Variants in IQCH observed in about 807,000 individuals in gnomAD.
The protein encoded by IQCH is IQ domain-containing protein H.
In IQCH, 98 loss-of-function variants were observed where a neutral mutation model predicts 117.0. That is an observed-to-expected ratio of 0.84 (90% confidence interval 0.71 to 0.99). IQCH has a LOEUF of 0.99. Among genes scored for constraint, IQCH ranks in the 50% least tolerant of loss-of-function variants. IQCH has a pLI of 0.00. For synonymous variants in IQCH, 412 were observed against 448.2 expected (o/e 0.92, Z 1.02); for missense variants, 1,102 against 1,243.8 (o/e 0.89, Z 1.72).
At chr15:67,272,535 A>G (rs372232206) in intron 3 of IQCH, among the ~76,000 whole-genome samples, 1 of 152,192 alleles carries the variant, frequency 6.6e-6, no homozygotes. Flanking sequence ...AAAGTCCCTT[A>G]CTATTATTGT....
chr15:67,465,127 G>T lies in IQCH; in HGVS notation c.2506G>T (p.Val836Leu). 2 of 1,613,862 alleles carry T rather than the reference G, an allele frequency of 1.2e-6. No homozygotes were observed. The highest frequency in any genetic ancestry group is 1.7e-6 in the Non-Finnish European group (2 of 1,179,878). ...FIDPSTLEQQ[V>L]WATGLNLAYS... Reference sequence around the variant, plus strand: ...CTTCTACGGCTCCTGTTTTAATCAGGTGTGGGCAACCGGCCTTAACCTCGC... The same window carrying T: ...CTTCTACGGCTCCTGTTTTAATCAGTTGTGGGCAACCGGCCTTAACCTCGC... Residue 836 changes from valine (V) to leucine (L), a missense_variant and splice_region_variant, in exon 17 of 21, where the codon GTG becomes TTG. By Grantham distance (32) the Val-to-Leu change is conservative (BLOSUM62 1). This residue lies in a region of IQCH where 650 missense variants were observed against 794.3 expected (regional missense o/e 0.82). Transcript: ENST00000335894. The surrounding 1 kb of genome is among the most constrained non-coding windows in gnomAD (Gnocchi z 5.9).
intron 6 of IQCH, among the ~76,000 whole-genome samples, chr15:67,348,182 A>T (rs554794826): frequency 1.6e-4 from 25 of 152,310 alleles, no homozygotes; most frequent in African/African-American, 5.8e-4. Flanking sequence ...TTCACCTAAG[A>T]TCAGGAACAA....
chr15:67,270,256 A>C (rs2140452059), intron 3 of IQCH, among the ~76,000 whole-genome samples: 1 of 152,326 alleles, frequency 6.6e-6, no homozygotes, highest in South Asian at 2.1e-4. Context: ...CCAGTATTAT[A>C]CGGAATAAAC....
chr15:67,265,972 A>G (rs887127660), intron 3 of IQCH, among the ~76,000 whole-genome samples: 4 of 152,198 alleles, frequency 2.6e-5, no homozygotes, highest in Non-Finnish European at 4.4e-5. Context: ...GGCACAACTC[A>G]CTGAAGAGTG....
At chr15:67,341,859 G>A (rs1969190082) in intron 5 of IQCH, among the ~76,000 whole-genome samples, 1 of 152,204 alleles carries the variant, frequency 6.6e-6, no homozygotes, top group East Asian at 1.9e-4. Flanking sequence ...GTCCTTCCAT[G>A]TGTAAGAATT....
chr15:67,421,579 T>A lies in IQCH; in HGVS notation c.2505+2T>A. The A allele has an allele frequency of 1.2e-6, 2 of 1,613,914 alleles. No individual in the cohort carries two copies. Among genetic ancestry groups the A allele is most frequent in the Non-Finnish European group, 1.7e-6 (2 of 1,179,902 alleles). On this transcript the variant is annotated splice_donor_variant, in intron 16 of 20. Transcript: ENST00000335894. LOFTEE classifies it high-confidence loss of function. Reference sequence around the variant, plus strand: ...GATCCAAGCACCTTGGAACAACAGGTAAGTTGAATGGATGCCATACGAAAT... The same window carrying A: ...GATCCAAGCACCTTGGAACAACAGGAAAGTTGAATGGATGCCATACGAAAT...
chr15:67,389,896 G>C (rs961973841), intron 12 of IQCH, among the ~76,000 whole-genome samples: 1 of 151,638 alleles, frequency 6.6e-6, no homozygotes, highest in Non-Finnish European at 1.5e-5. Flanking sequence ...AAATGGGGGT[G>C]GGGGAGGGAC....
chr15:67,380,220 T>C (rs973454692), intron 10 of IQCH, among the ~76,000 whole-genome samples: 7 of 152,244 alleles, frequency 4.6e-5, no homozygotes. Context: ...AATGCTGTGC[T>C]AACCACTGAG....
rs1250883128 is a variant in IQCH at position 67,453,336 on chromosome 15, T to G, written c.2506-11791T>G. 6.6e-6 allele frequency among the ~76,000 whole-genome samples: 1 copy of G among 152,160 alleles called. No individual in the cohort carries two copies. The highest frequency in any genetic ancestry group is 1.5e-5 in the Non-Finnish European group (1 of 68,038). On this transcript the variant is annotated intron_variant, in intron 16 of 20. Transcript: ENST00000335894. The surrounding 1 kb of genome is among the most constrained non-coding windows in gnomAD (Gnocchi z 5.8). The stretch of plus-strand genomic sequence containing the variant: ...GAGTTTCCAGTTTTTCTGCTCTGTT[T>G]TTTTCCCATCTTTGTGGTTTTATCT...
chr15:67,304,002 T>C (rs1028051389), intron 4 of IQCH, among the ~76,000 whole-genome samples: 1 of 152,166 alleles, frequency 6.6e-6, no homozygotes, highest in Admixed American at 6.5e-5. Context: ...GACAAAATCC[T>C]TGACCTGGAA....
At chr15:67,498,956 A>G (rs574725817) in intron 20 of IQCH, among the ~76,000 whole-genome samples, 1 of 152,306 alleles carries the variant, frequency 6.6e-6, no homozygotes, top group Admixed American at 6.5e-5. Context: ...AAGGACAAAT[A>G]ACCCAATTTT....
rs1971282789 is a variant in IQCH, at chr15:67,391,481, G to C, written c.1632+2475G>C. On this transcript the variant is annotated intron_variant, in intron 12 of 20. Transcript: ENST00000335894. The surrounding 1 kb of genome is among the most constrained non-coding windows in gnomAD (Gnocchi z 4.3). ...CTCTCCAAGTTACTATATGATTCTT[G>C]AATTTGTAATGGTAAAATGTGCTCT... Among the ~76,000 whole-genome samples the C allele has an allele frequency of 6.6e-6, 1 of 152,002 alleles. No individual in the cohort carries two copies. Among genetic ancestry groups the C allele is most frequent in the African/African-American group, 2.4e-5 (1 of 41,404 alleles).
chr15:67,411,740 G>A lies in IQCH; in HGVS notation c.2098-5191G>A, dbSNP rs1394122264. On this transcript the variant is annotated intron_variant, in intron 14 of 20. Coordinates refer to ENST00000335894, the MANE Select transcript of IQCH (RefSeq NM_001031715.3). This position sits in a 1 kb window ranked among gnomAD's most constrained non-coding sequence, Gnocchi z 4.4. ...GAAGTAGCTTTAGTCATTGAGTGCA[G>A]TATTAAGCTTTAGTCACTAGCTTTA... 6.6e-6 allele frequency among the ~76,000 whole-genome samples: 1 copy of A among 152,218 alleles called. No homozygotes were observed. The highest frequency in any genetic ancestry group is 1.5e-5 in the Non-Finnish European group (1 of 68,042).
rs1247562758 is a variant in IQCH at position 67,433,811 on chromosome 15, G to C, written c.2505+12234G>C. Reference sequence around the variant, plus strand: ...AAAGACCATAAGATTCTTCACCTATGAGCATTTATAGCTTGCCCCAGCATC... The same window carrying C: ...AAAGACCATAAGATTCTTCACCTATCAGCATTTATAGCTTGCCCCAGCATC... On this transcript the variant is annotated intron_variant, in intron 16 of 20. Transcript: ENST00000335894. This position sits in a 1 kb window ranked among gnomAD's most constrained non-coding sequence, Gnocchi z 5.4. 6.6e-6 allele frequency among the ~76,000 whole-genome samples: 1 copy of C among 152,150 alleles called. No homozygotes were observed. The highest frequency in any genetic ancestry group is 1.5e-5 in the Non-Finnish European group (1 of 68,036).
At chr15:67,483,934 ATCTT>A (rs2083404641) in intron 18 of IQCH, among the ~76,000 whole-genome samples, 1 of 152,234 alleles carries the variant, frequency 6.6e-6, no homozygotes, top group Admixed American at 6.5e-5. Context: ...AAGTCACATA[ATCTT>A]AGGAGTTCAT....
chr15:67,374,441 A>G (rs1360202177), intron 10 of IQCH, among the ~76,000 whole-genome samples: 1 of 152,246 alleles, frequency 6.6e-6, no homozygotes, highest in East Asian at 1.9e-4. Flanking sequence ...GTGTACTTAC[A>G]TGTAGTGTAG....
chr15:67,463,110 C>T lies in IQCH; in HGVS notation c.2506-2017C>T, dbSNP rs959031867. On this transcript the variant is annotated intron_variant, in intron 16 of 20. Coordinates refer to ENST00000335894, the MANE Select transcript of IQCH (RefSeq NM_001031715.3). The surrounding 1 kb of genome is among the most constrained non-coding windows in gnomAD (Gnocchi z 4.0). ...ATTCAATGCTTACTCAAGTCACTCA[C>T]TGCTAGATTTGTTTGACAGGAGTCC... is the stretch of plus-strand genomic sequence containing the variant. 2.0e-5 allele frequency among the ~76,000 whole-genome samples: 3 copies of T among 152,188 alleles called. No homozygotes were observed. Among genetic ancestry groups the T allele is most frequent in the African/African-American group, 7.2e-5 (3 of 41,430 alleles).
intron 18 of IQCH, among the ~76,000 whole-genome samples, chr15:67,483,686 A>G (rs1437441081): frequency 1.3e-5 from 2 of 152,138 alleles, no homozygotes; most frequent in African/African-American, 4.8e-5. Flanking sequence ...CGGCCTCCCA[A>G]AGTGCTGGGA....
In IQCH at chr15:67,467,984, T is replaced by C. The variant is rs1354307412; in HGVS notation, c.2676+2687T>C. Among the ~76,000 whole-genome samples, 1 of 152,132 alleles carries C rather than the reference T, an allele frequency of 6.6e-6. No homozygotes were observed. Among genetic ancestry groups the C allele is most frequent in the Non-Finnish European group, 1.5e-5 (1 of 68,026 alleles). ...GTGGGAGAACTGTCACTCAGACCCA[T>C]TTAGACCAGGTGAATGGGTTTCTGA... is the stretch of plus-strand genomic sequence containing the variant. On this transcript the variant is annotated intron_variant, in intron 17 of 20. Transcript: ENST00000335894. The surrounding 1 kb of genome is among the most constrained non-coding windows in gnomAD (Gnocchi z 5.7).
Sources: allele counts gnomAD v4.1 joint callset (sites outside exome capture counted in the v4.1 genomes callset), GRCh38; gene constraint gnomAD v4.1.1; regional missense constraint gnomAD v4.1.1; non-coding constraint Gnocchi (gnomAD v3.1); transcripts MANE v1.5; gene names NCBI Gene and HGNC (gene_info 2026-07-23, HGNC 2026-07-21).